Variants in SLC9A9 observed in about 807,000 individuals in gnomAD.
SLC9A9 encodes sodium/hydrogen exchanger 9.
Under a neutral mutation model 77.8 loss-of-function variants are expected in SLC9A9, and 62 were observed. The ratio of observed to expected loss-of-function variants is 0.80; its 90% confidence interval spans 0.65 to 0.98. The LOEUF is 0.98. Among genes scored for constraint, SLC9A9 ranks in the 50% least tolerant of loss-of-function variants. The pLI, the probability that SLC9A9 is intolerant of heterozygous loss-of-function variation, is 0.00. For missense variants in SLC9A9, 775 were observed against 774.9 expected, an observed-to-expected ratio of 1.00 and a Z score of 0.00; for synonymous variants, 320 against 283.5, an observed-to-expected ratio of 1.13 and a Z score of -1.29.
chr3:143,703,174 A>G (rs1210784846), intron 4 of SLC9A9, among the ~76,000 whole-genome samples: 1 of 152,138 alleles, frequency 6.6e-6, no homozygotes, highest in East Asian at 1.9e-4. Context: ...CTAAACAGAA[A>G]ACCAACAAAG....
At chr3:143,576,791 G>A (rs1001700789) in intron 7 of SLC9A9, among the ~76,000 whole-genome samples, 1 of 152,144 alleles carries the variant, frequency 6.6e-6, no homozygotes, top group Non-Finnish European at 1.5e-5. Flanking sequence ...TGGAAAACAC[G>A]TCGTAGGCAG....
At chr3:143,429,762 G>GAGC (rs1421834715) in intron 12 of SLC9A9, among the ~76,000 whole-genome samples, 1 of 79,636 alleles carries the variant, frequency 1.3e-5, no homozygotes, top group Non-Finnish European at 2.3e-5. Context: ...CTAGTCCTCA[G>GAGC]AGCGTGTGTA....
chr3:143,789,162 A>C (rs1289599777), intron 4 of SLC9A9, among the ~76,000 whole-genome samples: 1 of 152,208 alleles, frequency 6.6e-6, no homozygotes, highest in East Asian at 1.9e-4. Flanking sequence ...TAAGTAGTTT[A>C]TTGTTATTAC....
intron 14 of SLC9A9, among the ~76,000 whole-genome samples, chr3:143,330,456 T>G (rs796293836): frequency 8.5e-5 from 13 of 152,332 alleles, no homozygotes; most frequent in African/African-American, 3.1e-4. Context: ...TGAAATGTGT[T>G]TCTCATTAAT....
intron 14 of SLC9A9, among the ~76,000 whole-genome samples, chr3:143,337,419 G>A (rs2031961205): frequency 6.6e-6 from 1 of 152,182 alleles, no homozygotes; most frequent in South Asian, 2.1e-4. Flanking sequence ...CTTCCAAAGA[G>A]TTAAGGATAA....
At chr3:143,416,990 A>C (rs529286723) in intron 12 of SLC9A9, among the ~76,000 whole-genome samples, 2 of 152,234 alleles carry the variant, frequency 1.3e-5, no homozygotes, top group Non-Finnish European at 2.9e-5. Context: ...CTGGAGGAGG[A>C]TGGGGAAAGG....
chr3:143,368,727 T>A (rs1340071893), intron 13 of SLC9A9, among the ~76,000 whole-genome samples: 1 of 152,192 alleles, frequency 6.6e-6, no homozygotes, highest in East Asian at 1.9e-4. Context: ...TACTGTCTCC[T>A]TCCAAATTGG....
intron 14 of SLC9A9, among the ~76,000 whole-genome samples, chr3:143,301,051 C>G (rs912663748): frequency 1.3e-5 from 2 of 152,178 alleles, no homozygotes; most frequent in Non-Finnish European, 2.9e-5. Flanking sequence ...CTAATCCTCA[C>G]CACTACCACC....
intron 12 of SLC9A9, among the ~76,000 whole-genome samples, chr3:143,404,882 TA>T (rs2033944745): frequency 6.6e-6 from 1 of 152,244 alleles, no homozygotes; most frequent in African/African-American, 2.4e-5. Context: ...TAAGTCTTCC[TA>T]AAAGATGTCC....
chr3:143,307,058 A>G (rs961925882), intron 14 of SLC9A9, among the ~76,000 whole-genome samples: 47 of 152,086 alleles, frequency 3.1e-4, no homozygotes, highest in African/African-American at 1.1e-3. Flanking sequence ...TGTCTATGAA[A>G]CTTATGGTGC....
chr3:143,762,314 C>T (rs1450002637), intron 4 of SLC9A9, among the ~76,000 whole-genome samples: 2 of 152,154 alleles, frequency 1.3e-5, no homozygotes, highest in Admixed American at 6.6e-5. Flanking sequence ...ACGTTGTGCA[C>T]ATGTACCCTA....
chr3:143,441,259 T>A (rs1336418952), intron 12 of SLC9A9, among the ~76,000 whole-genome samples: 2 of 152,302 alleles, frequency 1.3e-5, no homozygotes, highest in African/African-American at 2.4e-5. Flanking sequence ...TGTGGTAGAA[T>A]ATCTGCTTAA....
At chr3:143,787,055 A>T (rs1169993816) in intron 4 of SLC9A9, among the ~76,000 whole-genome samples, 1 of 152,096 alleles carries the variant, frequency 6.6e-6, no homozygotes, top group Non-Finnish European at 1.5e-5. Flanking sequence ...TACTGGCGAC[A>T]TCACTCTTGG....
At chr3:143,846,152 C>G (rs145481741) in intron 1 of SLC9A9, among the ~76,000 whole-genome samples, 1 of 152,164 alleles carries the variant, frequency 6.6e-6, no homozygotes, top group African/African-American at 2.4e-5. Flanking sequence ...CAAAACATGA[C>G]TGAATTTTAG....
chr3:143,577,546 G>A (rs1012865477), intron 7 of SLC9A9, among the ~76,000 whole-genome samples: 19 of 152,128 alleles, frequency 1.2e-4, no homozygotes, highest in South Asian at 4.1e-4. Context: ...TGATAACTTC[G>A]ATGCGGCTCT....
Position 143,829,054 on chromosome 3 carries a change from G to A in SLC9A9, c.378+2965C>T, listed in dbSNP as rs149443602. Among the ~76,000 whole-genome samples the A allele has an allele frequency of 8.9e-3, 1,353 of 152,246 alleles. 8 individuals carry two copies. The highest frequency in any genetic ancestry group is 0.033 in the South Asian group (159 of 4,812). On this transcript the variant is annotated intron_variant, in intron 2 of 15. Coordinates refer to ENST00000316549, the MANE Select transcript of SLC9A9 (RefSeq NM_173653.4). ...CTTCCCAATGATTCCAAAGTGCAGAGAGTTTGGGAACCACTGACTTAAATT... is the reference window on the plus strand; with the variant it reads ...CTTCCCAATGATTCCAAAGTGCAGAAAGTTTGGGAACCACTGACTTAAATT...
intron 11 of SLC9A9, among the ~76,000 whole-genome samples, chr3:143,468,487 T>C (rs538873756): frequency 6.6e-6 from 1 of 152,374 alleles, no homozygotes; most frequent in East Asian, 1.9e-4. Context: ...TGTAGCTATA[T>C]AATAAGCCTT....
intron 6 of SLC9A9, among the ~76,000 whole-genome samples, chr3:143,636,295 A>C (rs9862274): frequency 0.72 from 110,140 of 152,048 alleles, 40,039 homozygotes; most frequent in East Asian, 0.81. Flanking sequence ...ATTACATGTT[A>C]TCATTAATTG....
Position 143,734,123 on chromosome 3 carries a change from G to C in SLC9A9, c.534-40816C>G, listed in dbSNP as rs149259749. 8.1e-3 allele frequency among the ~76,000 whole-genome samples: 1,236 copies of C among 152,152 alleles called. 38 individuals carry two copies. The highest frequency in any genetic ancestry group is 0.044 in the East Asian group (224 of 5,144). Reference sequence around the variant, plus strand: ...GAGATGGAAGGATTGCCTGAATTCAGGCATTTGAGGTTATAGTGAGCTATG... The same window carrying C: ...GAGATGGAAGGATTGCCTGAATTCACGCATTTGAGGTTATAGTGAGCTATG... On this transcript the variant is annotated intron_variant, in intron 4 of 15. Coordinates refer to ENST00000316549, the MANE Select transcript of SLC9A9 (RefSeq NM_173653.4).
Sources: gnomAD v4.1 joint callset for allele counts (sites outside exome capture counted in the v4.1 genomes callset) on GRCh38, gnomAD v4.1.1 for gene constraint, MANE v1.5 for transcripts, NCBI Gene and HGNC (gene_info 2026-07-23, HGNC 2026-07-21) for gene names.